The following TEK variants were observed in gnomAD, a reference collection of about 807,000 sequenced individuals.
TEK encodes angiopoietin-1 receptor.
In TEK, 43 loss-of-function variants were observed where a neutral mutation model predicts 131.8. The observed-to-expected ratio is 0.33, with a 90% CI of 0.26 to 0.42. The LOEUF (loss-of-function observed/expected upper bound fraction) is 0.42, where lower values mean the gene tolerates loss of function less well. TEK is among the 10% of genes least tolerant of loss of function. TEK has a pLI of 1.00. For synonymous variants in TEK, 580 were observed against 491.6 expected (o/e 1.18, Z -2.38); for missense variants, 1,162 against 1,384.4 (o/e 0.84, Z 2.55).
At chr9:27,228,737 G>A (rs1403361699) in intron 22 of TEK, among the ~76,000 whole-genome samples, 1 of 152,132 alleles carries the variant, frequency 6.6e-6, no homozygotes, top group African/African-American at 2.4e-5. Context: ...ACCGATCTGG[G>A]AGTCAAAATA....
intron 1 of TEK, among the ~76,000 whole-genome samples, chr9:27,155,349 T>C (rs935880989): frequency 8.5e-5 from 13 of 152,224 alleles, no homozygotes; most frequent in African/African-American, 2.7e-4. Flanking sequence ...CCAATGAGGC[T>C]AGAAGTAAAA....
chr9:27,208,982 CTACTT>C (rs1825502918), intron 15 of TEK, 134 bp from the exon 16 acceptor site: 8 of 697,580 alleles, frequency 1.1e-5, no homozygotes, highest in Admixed American at 4.1e-5. Flanking sequence ...CCGAGAAACT[CTACTT>C]TAGAGTAATC....
At chr9:27,189,155 G>T (rs1482596457) in intron 9 of TEK, among the ~76,000 whole-genome samples, 4 of 152,140 alleles carry the variant, frequency 2.6e-5, no homozygotes, top group African/African-American at 4.8e-5. Context: ...TTTCTAAGAA[G>T]GCTGGGCCAA....
chr9:27,121,916 TAAAC>T (rs1408456480), intron 1 of TEK, among the ~76,000 whole-genome samples: 3 of 152,182 alleles, frequency 2.0e-5, no homozygotes, highest in East Asian at 3.8e-4. Flanking sequence ...CCTAGTGACA[TAAAC>T]AAAGTGAAAC....
chr9:27,221,514 C>G (rs944994345), intron 21 of TEK, among the ~76,000 whole-genome samples: 1 of 151,892 alleles, frequency 6.6e-6, no homozygotes, highest in Non-Finnish European at 1.5e-5. Context: ...GACAGGACAT[C>G]TTATACAGGA....
At chr9:27,174,568 A>G (rs1038332587) in intron 6 of TEK, among the ~76,000 whole-genome samples, 1 of 152,220 alleles carries the variant, frequency 6.6e-6, no homozygotes, top group African/African-American at 2.4e-5. Context: ...TGGACTAGCT[A>G]TATTTTAAGA....
intron 21 of TEK, among the ~76,000 whole-genome samples, chr9:27,222,168 G>A (rs1049016563): frequency 6.6e-6 from 1 of 152,122 alleles, no homozygotes; most frequent in East Asian, 1.9e-4. Context: ...AAAGCATGAA[G>A]ACAAGATTAG....
chr9:27,126,924 C>A (rs988259360), intron 1 of TEK, among the ~76,000 whole-genome samples: 4 of 152,126 alleles, frequency 2.6e-5, no homozygotes, highest in Non-Finnish European at 5.9e-5. Context: ...CTTAGAGATG[C>A]CAAAACAACA....
intron 1 of TEK, among the ~76,000 whole-genome samples, chr9:27,135,098 G>A (rs1822370650): frequency 2.8e-5 from 3 of 107,254 alleles, no homozygotes; most frequent in African/African-American, 1.1e-4. Flanking sequence ...GGTGGTGCAT[G>A]CCTGTAATCC....
chr9:27,148,935 T>TA (rs1194364857), intron 1 of TEK, among the ~76,000 whole-genome samples: 9 of 152,238 alleles, frequency 5.9e-5, no homozygotes, highest in African/African-American at 2.2e-4. Context: ...TTTTCTGTGA[T>TA]AAAATCTATC....
rs1299433512 is a variant in TEK at position 27,135,549 on chromosome 9, C to T, written c.53-22282C>T. On this transcript the variant is annotated intron_variant, in intron 1 of 22. Transcript: ENST00000380036. ...TATTTGCCACATACTGTTAATACAG[C>T]CTCCATAAAATTTACGAAAATTTTT... 2.0e-5 allele frequency among the ~76,000 whole-genome samples: 3 copies of T among 152,094 alleles called. No individual in the cohort carries two copies. The East Asian group carries it at 5.8e-4, about 29-fold the overall frequency.
At chr9:27,143,764 C>T (rs1282636227) in intron 1 of TEK, among the ~76,000 whole-genome samples, 5 of 152,134 alleles carry the variant, frequency 3.3e-5, no homozygotes, top group Non-Finnish European at 1.5e-5. Context: ...TGCATGGCAG[C>T]TGCTGTATAT....
At chr9:27,145,017 G>A (rs867761265) in intron 1 of TEK, among the ~76,000 whole-genome samples, 41 of 152,176 alleles carry the variant, frequency 2.7e-4, no homozygotes, top group Non-Finnish European at 2.6e-4. Context: ...TGAAGAAAAT[G>A]TAAGTGGGGG....
At chr9:27,147,679 A>G (rs560762733) in intron 1 of TEK, among the ~76,000 whole-genome samples, 36 of 152,316 alleles carry the variant, frequency 2.4e-4, no homozygotes, top group African/African-American at 7.9e-4. Flanking sequence ...CTCCAGTGTC[A>G]TGAAGATTTT....
intron 1 of TEK, among the ~76,000 whole-genome samples, chr9:27,111,848 T>C (rs1400492308): frequency 6.6e-6 from 1 of 151,550 alleles, no homozygotes; most frequent in African/African-American, 2.4e-5. Flanking sequence ...AATGATCTAA[T>C]AGGAAGTCTC....
In TEK at chr9:27,137,221, A is replaced by C. The variant is rs549199000; in HGVS notation, c.53-20610A>C. ...GTGTGAGCCACTGTGCCTGGCCTAA[A>C]TCTATCTTTTGATAAAACTTCACGG... On this transcript the variant is annotated intron_variant, in intron 1 of 22. Transcript: ENST00000380036. Among the ~76,000 whole-genome samples the C allele has an allele frequency of 1.7e-4, 18 of 106,324 alleles. No individual in the cohort carries two copies. In the East Asian group the frequency reaches 2.1e-3, roughly 13 times the overall value. 69.8% of individuals were successfully genotyped at this position (106,324 alleles called of 152,430 possible).
intron 1 of TEK, among the ~76,000 whole-genome samples, chr9:27,140,175 G>C (rs980813645): frequency 3.3e-5 from 5 of 152,116 alleles, no homozygotes; most frequent in African/African-American, 9.7e-5. Context: ...TCGAAAACAT[G>C]TAGAAAATAA....
chr9:27,216,211 A>G (rs759784568), intron 18 of TEK, among the ~76,000 whole-genome samples: 2 of 152,166 alleles, frequency 1.3e-5, no homozygotes, highest in Non-Finnish European at 2.9e-5. Flanking sequence ...CAAATTTGCC[A>G]TTTAGCATGA....
chr9:27,192,048 C>T, intron 10 of TEK: 1 of 416,384 alleles, frequency 2.4e-6, no homozygotes, highest in South Asian at 1.7e-5. Flanking sequence ...ATAGTATGAC[C>T]ATTGCAAATC....
Sources: allele counts gnomAD v4.1 joint callset (sites outside exome capture counted in the v4.1 genomes callset), GRCh38; gene constraint gnomAD v4.1.1; transcripts MANE v1.5; gene names NCBI Gene and HGNC (gene_info 2026-07-23, HGNC 2026-07-21).